Variants in PBLD observed in about 807,000 individuals in gnomAD.
The protein encoded by PBLD is phenazine biosynthesis like protein domain containing, also known as phenazine biosynthesis-like domain-containing protein.
In PBLD, 26 loss-of-function variants were observed where a neutral mutation model predicts 31.3. That is an observed-to-expected ratio of 0.83 (90% CI 0.61 to 1.15). PBLD has a LOEUF of 1.15. Among genes scored for constraint, PBLD ranks in the 50% most tolerant of loss-of-function variants. The pLI is 0.00. For missense variants in PBLD, 307 were observed against 351.7 expected, an observed-to-expected ratio of 0.87 and a Z score of 1.02; for synonymous variants, 114 against 129.0, an observed-to-expected ratio of 0.88 and a Z score of 0.79.
At chr10:68,290,988 C>T (rs2044351627) in intron 6 of PBLD, among the ~76,000 whole-genome samples, 1 of 152,200 alleles carries the variant, frequency 6.6e-6, no homozygotes, top group Admixed American at 6.5e-5. Context: ...CAGAATCCAT[C>T]ATGCTTATTT....
intron 1 of PBLD, among the ~76,000 whole-genome samples, chr10:68,311,751 CAAAAAAAAAAA>C (rs987918906): frequency 1.7e-5 from 1 of 59,902 alleles, no homozygotes. Context: ...GACCCTGCCT[CAAAAAAAAAAA>C]AAAAAAAAAA....
intron 9 of PBLD, chr10:68,284,985 ATTTG>A: frequency 9.2e-7 from 1 of 1,089,818 alleles, no homozygotes. Flanking sequence ...TTCCAAAGTA[ATTTG>A]TTTGATTCAA....
chr10:68,292,172 TC>T lies in PBLD; in HGVS notation c.349del (p.Asp117MetfsTer20). 1.9e-6 allele frequency: 3 copies of T among 1,613,822 alleles called. No individual in the cohort carries two copies. The highest frequency in any genetic ancestry group is 2.5e-6 in the Non-Finnish European group (3 of 1,179,978). On this transcript the variant is annotated frameshift_variant, in exon 5 of 10. Coordinates refer to ENST00000358769, the MANE Select transcript of PBLD (RefSeq NM_022129.4). LOFTEE classifies it high-confidence loss of function. ...SGELRARRAE[D>X]GIVLDLPLYP... ...AAGAGGCAAGTCCAGGACGATGCCA[TC>T]CTCTGCTCGTCTGGCCCTTAGTTCT...
intron 2 of PBLD, 107 bp downstream of exon 2, chr10:68,306,654 C>T: frequency 3.8e-6 from 4 of 1,043,096 alleles, no homozygotes; most frequent in Non-Finnish European, 4.2e-6. Context: ...GCAAAGAACA[C>T]AAACCAAAGA....
At chr10:68,304,018 T>C (rs1039485069) in intron 2 of PBLD, among the ~76,000 whole-genome samples, 5 of 152,198 alleles carry the variant, frequency 3.3e-5, no homozygotes, top group Non-Finnish European at 5.9e-5. Context: ...GTGAACTTGT[T>C]AACCTTTGTA....
intron 1 of PBLD, among the ~76,000 whole-genome samples, chr10:68,328,863 T>C (rs1021540040): frequency 6.6e-6 from 1 of 152,110 alleles, no homozygotes. Context: ...TTTATGACTA[T>C]GTAGCGGTTT....
intron 4 of PBLD, 41 bp downstream of exon 4, chr10:68,296,225 C>T: frequency 2.1e-6 from 3 of 1,451,860 alleles, no homozygotes; most frequent in Admixed American, 4.2e-5. Context: ...AAAAAAAAGC[C>T]ATTTGCTAAG....
intron 6 of PBLD, among the ~76,000 whole-genome samples, chr10:68,290,287 C>T (rs2044342220): frequency 6.6e-6 from 1 of 152,156 alleles, no homozygotes; most frequent in Admixed American, 6.5e-5. Flanking sequence ...GGTACTTGGG[C>T]TTTCTGCCTC....
intron 4 of PBLD, among the ~76,000 whole-genome samples, chr10:68,295,728 G>C (rs2044417647): frequency 6.6e-6 from 1 of 152,100 alleles, no homozygotes; most frequent in African/African-American, 2.4e-5. Flanking sequence ...GATGCAGATG[G>C]ATCACTGGAG....
chr10:68,321,104 G>A (rs1039985441), intron 1 of PBLD, among the ~76,000 whole-genome samples: 1 of 152,198 alleles, frequency 6.6e-6, no homozygotes, highest in Non-Finnish European at 1.5e-5. Context: ...TTACAGGCAT[G>A]AGCCACCACC....
chr10:68,284,264 T>C lies in PBLD; in HGVS notation c.780A>G (p.Gly260=), dbSNP rs1320510834. The C allele has an allele frequency of 6.2e-7, 1 of 1,613,740 alleles. No individual in the cohort carries two copies. The highest frequency in any genetic ancestry group is 8.5e-7 in the Non-Finnish European group (1 of 1,179,840). The change falls in exon 10 of 10, where the codon GGA becomes GGG. Residue 260 remains glycine (G), a synonymous_variant. Transcript: ENST00000358769. The part of the protein sequence containing the change: ...MHAFQCSHRG[G]ELGISLRPDG... ...CTGGACGAAGGGAAATTCCCAGCTC[T>C]CCTCCTCGGTGGGAACACTGAAAAG...
chr10:68,296,448 A>C, intron 3 of PBLD, 84 bp from the exon 4 acceptor site: 1 of 1,043,902 alleles, frequency 9.6e-7, no homozygotes, highest in Non-Finnish European at 1.4e-6. Flanking sequence ...TTTCCTATAT[A>C]GTTCTCTAGC....
chr10:68,314,543 T>C (rs917581127), intron 1 of PBLD, among the ~76,000 whole-genome samples: 1 of 152,222 alleles, frequency 6.6e-6, no homozygotes, highest in East Asian at 1.9e-4. Context: ...TCATAGAGAA[T>C]TGTCATTTGA....
At chr10:68,295,192 G>T (rs575995467) in intron 4 of PBLD, among the ~76,000 whole-genome samples, 24 of 152,216 alleles carry the variant, frequency 1.6e-4, no homozygotes, top group South Asian at 1.0e-3. Context: ...TTCAAATTTA[G>T]AGCAAAGAAG....
chr10:68,292,233 T>C lies in PBLD; in HGVS notation c.289A>G (p.Met97Val). The C allele has an allele frequency of 6.2e-7, 1 of 1,612,826 alleles. No homozygotes were observed. The highest frequency in any genetic ancestry group is 8.5e-7 in the Non-Finnish European group (1 of 1,179,704). Residue 97 changes from methionine (M) to valine (V), a missense_variant, in exon 5 of 10, where the codon ATG (methionine) becomes GTG (valine). Met to Val is a conservative substitution (Grantham distance 21). Transcript: ENST00000358769. ...AAVLFHKIKN[M>V]NSTLTFVTLS... The stretch of plus-strand genomic sequence containing the variant: ...GTGACAAACGTGAGCGTGCTATTCA[T>C]GTTTTCTGGCCAAAATAGGAATCAA...
intron 2 of PBLD, among the ~76,000 whole-genome samples, chr10:68,304,377 A>C (rs2044548822): frequency 6.6e-6 from 1 of 152,202 alleles, no homozygotes. Context: ...CAAGCCTCAA[A>C]AGAAGTGAAT....
chr10:68,314,765 T>C (rs2044714843), intron 1 of PBLD, among the ~76,000 whole-genome samples: 1 of 151,736 alleles, frequency 6.6e-6, no homozygotes, highest in African/African-American at 2.4e-5. Context: ...ACCAGGCTGA[T>C]TTTTGTATTA....
At chr10:68,323,153 T>A (rs1344493196) in intron 1 of PBLD, among the ~76,000 whole-genome samples, 1 of 152,202 alleles carries the variant, frequency 6.6e-6, no homozygotes, top group East Asian at 1.9e-4. Context: ...AATTTTATTT[T>A]TTTTAATGAT....
rs991490428 is a variant in PBLD at position 68,298,656 on chromosome 10, G to A, written c.85-1671C>T. Among the ~76,000 whole-genome samples, 20 of 152,194 alleles carry A rather than the reference G, an allele frequency of 1.3e-4. 1 individual carries two copies. Among genetic ancestry groups the A allele is most frequent in the African/African-American group, 4.3e-4 (18 of 41,532 alleles). On this transcript the variant is annotated intron_variant, in intron 2 of 9. Transcript: ENST00000358769. The stretch of plus-strand genomic sequence containing the variant: ...GCTCCTAGCAGCAGTGTAAAAGTGG[G>A]CAAGTCATTTAATCTTATGGCCTCA...
Sources: allele counts gnomAD v4.1 joint callset (sites outside exome capture counted in the v4.1 genomes callset), GRCh38; gene constraint gnomAD v4.1.1; transcripts MANE v1.5; gene names NCBI Gene and HGNC (gene_info 2026-07-23, HGNC 2026-07-21).